The following ASB18 variants were observed in gnomAD, a reference collection of about 807,000 sequenced individuals.
ASB18 encodes the protein ankyrin repeat and SOCS box containing 18, also known as ankyrin repeat and SOCS box protein 18.
Under a neutral mutation model 33.4 loss-of-function variants are expected in ASB18, and 33 were observed. The ratio of observed to expected loss-of-function variants is 0.99; its 90% confidence interval spans 0.75 to 1.32. The LOEUF (loss-of-function observed/expected upper bound fraction) is 1.32, where lower values mean the gene tolerates loss of function less well. ASB18 is among the 40% of genes most tolerant of loss of function. The pLI is 0.00. For missense variants in ASB18, 694 were observed against 655.5 expected, an observed-to-expected ratio of 1.06 and a Z score of -0.64; for synonymous variants, 295 against 307.6, an observed-to-expected ratio of 0.96 and a Z score of 0.43.
chr2:236,198,264 A>C (rs2060383582), intron 4 of ASB18, among the ~76,000 whole-genome samples: 1 of 152,248 alleles, frequency 6.6e-6, no homozygotes, highest in Non-Finnish European at 1.5e-5. Flanking sequence ...GTTTAGACAG[A>C]AAATTAATAT....
rs1325000392 is a variant in ASB18, at chr2:236,211,678, A to C, written c.1101+2684T>G. Among the ~76,000 whole-genome samples the C allele has an allele frequency of 6.6e-6, 1 of 152,138 alleles. No individual in the cohort carries two copies. The highest frequency in any genetic ancestry group is 1.5e-5 in the Non-Finnish European group (1 of 68,020). ...GTCTGTTGCTTTGATGTCGCACATG[A>C]TTAGATGCCGTCCCTGGAGGAGCGA... On this transcript the variant is annotated intron_variant, in intron 4 of 5. Coordinates refer to ENST00000409749, the MANE Select transcript of ASB18 (RefSeq NM_212556.4). The surrounding 1 kb of genome is among the most constrained non-coding windows in gnomAD (Gnocchi z 5.0).
At position 236,215,718 on chromosome 2, in the gene ASB18, C is replaced by G. The variant is rs1042918095; in HGVS notation, c.597-852G>C. Among the ~76,000 whole-genome samples the G allele has an allele frequency of 6.6e-6, 1 of 152,078 alleles. No individual in the cohort carries two copies. Among genetic ancestry groups the G allele is most frequent in the African/African-American group, 2.4e-5 (1 of 41,400 alleles). On this transcript the variant is annotated intron_variant, in intron 3 of 5. Transcript: ENST00000409749. The surrounding 1 kb of genome is among the most constrained non-coding windows in gnomAD (Gnocchi z 7.2). ...GAGAAGTGTGCCCCAGCCTGGAAGC[C>G]GGAAGACAGTCATACAGACCCTCTG...
rs919298699 is a variant in ASB18, at chr2:236,235,983, C to T, written c.596+1706G>A. Among the ~76,000 whole-genome samples, 5 of 152,184 alleles carry T rather than the reference C, an allele frequency of 3.3e-5. No individual in the cohort carries two copies. Among genetic ancestry groups the T allele is most frequent in the East Asian group, 1.9e-4 (1 of 5,202 alleles). ...TGTTGGGATTACCGGCATGAGCCACCGCACCTAGCCTAACAGTTATGTTCT... is the reference window on the plus strand; with the variant it reads ...TGTTGGGATTACCGGCATGAGCCACTGCACCTAGCCTAACAGTTATGTTCT... On this transcript the variant is annotated intron_variant, in intron 3 of 5. Transcript: ENST00000409749. The surrounding 1 kb of genome is among the most constrained non-coding windows in gnomAD (Gnocchi z 6.2).
In ASB18 at chr2:236,222,027, G is replaced by A. The variant is rs1317091923; in HGVS notation, c.597-7161C>T. On this transcript the variant is annotated intron_variant, in intron 3 of 5. Coordinates refer to ENST00000409749, the MANE Select transcript of ASB18 (RefSeq NM_212556.4). This position sits in a 1 kb window ranked among gnomAD's most constrained non-coding sequence, Gnocchi z 5.5. ...GGAGCCTTGGGAGGAAAACAGAGCC[G>A]TGTTTTCTAACGAAGCTGCTGCAGG... Among the ~76,000 whole-genome samples the A allele has an allele frequency of 4.6e-5, 7 of 152,162 alleles. No individual in the cohort carries two copies. Among genetic ancestry groups the A allele is most frequent in the Admixed American group, 1.3e-4 (2 of 15,278 alleles).
In ASB18 at chr2:236,205,347, C is replaced by T. The variant is rs918343441; in HGVS notation, c.1102-8962G>A. The stretch of plus-strand genomic sequence containing the variant: ...GCTGGCCCACTCCAGCCTTAGGCTA[C>T]AGATGGCTGGTCCTCTGCTGGGCTG... On this transcript the variant is annotated intron_variant, in intron 4 of 5. Coordinates refer to ENST00000409749, the MANE Select transcript of ASB18 (RefSeq NM_212556.4). The surrounding 1 kb of genome is among the most constrained non-coding windows in gnomAD (Gnocchi z 5.4). 6.6e-6 allele frequency among the ~76,000 whole-genome samples: 1 copy of T among 152,250 alleles called. No individual in the cohort carries two copies. Among genetic ancestry groups the T allele is most frequent in the African/African-American group, 2.4e-5 (1 of 41,472 alleles).
rs1239149044 is a variant in ASB18 at position 236,203,980 on chromosome 2, A to G, written c.1102-7595T>C. On this transcript the variant is annotated intron_variant, in intron 4 of 5. Coordinates refer to ENST00000409749, the MANE Select transcript of ASB18 (RefSeq NM_212556.4). This position sits in a 1 kb window ranked among gnomAD's most constrained non-coding sequence, Gnocchi z 6.0. ...AGAGGAGACAGAGAGCCCAGTGAAG[A>G]AGATGTGTCCATCTAGGGGAGAGAT... Among the ~76,000 whole-genome samples the G allele has an allele frequency of 6.6e-6, 1 of 152,224 alleles. No homozygotes were observed. Among genetic ancestry groups the G allele is most frequent in the Non-Finnish European group, 1.5e-5 (1 of 68,042 alleles).
intron 2 of ASB18, among the ~76,000 whole-genome samples, chr2:236,240,523 G>C (rs2060616374): frequency 6.6e-6 from 1 of 152,224 alleles, no homozygotes; most frequent in Non-Finnish European, 1.5e-5. Flanking sequence ...GAAACTTCTT[G>C]GTAAATATGT....
Position 236,217,424 on chromosome 2 carries a change from A to AAATAAAAT in ASB18, c.597-2559_597-2558insATTTTATT, listed in dbSNP as rs1553600513. Among the ~76,000 whole-genome samples the AAATAAAAT allele has an allele frequency of 4.7e-5, 7 of 150,306 alleles. No individual in the cohort carries two copies. Among genetic ancestry groups the AAATAAAAT allele is most frequent in the African/African-American group, 1.7e-4 (7 of 40,404 alleles). ...CGAGACTCTGTCTCAAAAAAAAAAAAAAATAAATCTTGGCACCTTCAACTC... is the reference window on the plus strand; with the variant it reads ...CGAGACTCTGTCTCAAAAAAAAAAAAAATAAAATAAATAAATCTTGGCACCTTCAACTC... On this transcript the variant is annotated intron_variant, in intron 3 of 5. Coordinates refer to ENST00000409749, the MANE Select transcript of ASB18 (RefSeq NM_212556.4). This position sits in a 1 kb window ranked among gnomAD's most constrained non-coding sequence, Gnocchi z 5.2.
In ASB18 at chr2:236,251,638, C is replaced by A. The variant is rs1415101453; in HGVS notation, c.206-10236G>T. On this transcript the variant is annotated intron_variant, in intron 1 of 5. Coordinates refer to ENST00000409749, the MANE Select transcript of ASB18 (RefSeq NM_212556.4). This position sits in a 1 kb window ranked among gnomAD's most constrained non-coding sequence, Gnocchi z 5.3. ...CAACACTGCATCCAGCAAAGTGAGG[C>A]CAGTTTTGTCTGATGGAGTTAAATT... is the stretch of plus-strand genomic sequence containing the variant. Among the ~76,000 whole-genome samples, 1 of 152,088 alleles carries A rather than the reference C, an allele frequency of 6.6e-6. No homozygotes were observed. Among genetic ancestry groups the A allele is most frequent in the Non-Finnish European group, 1.5e-5 (1 of 68,024 alleles).
rs719544 is a variant in ASB18, at chr2:236,209,639, A to T, written c.1101+4723T>A. Among the ~76,000 whole-genome samples the T allele has an allele frequency of 6.6e-6, 1 of 152,076 alleles. No individual in the cohort carries two copies. Among genetic ancestry groups the T allele is most frequent in the Non-Finnish European group, 1.5e-5 (1 of 68,020 alleles). On this transcript the variant is annotated intron_variant, in intron 4 of 5. Coordinates refer to ENST00000409749, the MANE Select transcript of ASB18 (RefSeq NM_212556.4). The surrounding 1 kb of genome is among the most constrained non-coding windows in gnomAD (Gnocchi z 4.4). Reference sequence around the variant, plus strand: ...AATCCCTTACCTGGACTGCCACCACAGCCTGTGGTTTCCATCAGCCCCCTA... The same window carrying T: ...AATCCCTTACCTGGACTGCCACCACTGCCTGTGGTTTCCATCAGCCCCCTA...
chr2:236,198,961 G>C (rs1439854041), intron 4 of ASB18, among the ~76,000 whole-genome samples: 1 of 151,986 alleles, frequency 6.6e-6, no homozygotes, highest in Non-Finnish European at 1.5e-5. Flanking sequence ...AACTTTAATA[G>C]GATTGTCTCT....
Position 236,238,932 on chromosome 2 carries a change from A to AT in ASB18, c.329-977dup, listed in dbSNP as rs2060608967. Among the ~76,000 whole-genome samples, 1 of 152,242 alleles carries AT rather than the reference A, an allele frequency of 6.6e-6. No homozygotes were observed. Among genetic ancestry groups the AT allele is most frequent in the African/African-American group, 2.4e-5 (1 of 41,542 alleles). On this transcript the variant is annotated intron_variant, in intron 2 of 5. Coordinates refer to ENST00000409749, the MANE Select transcript of ASB18 (RefSeq NM_212556.4). The surrounding 1 kb of genome is among the most constrained non-coding windows in gnomAD (Gnocchi z 5.2). ...AGCAGCCTTGAAAGTCCATTCATTA[A>AT]TTACCTACCCGCATGTGGTGCCGAG... is the stretch of plus-strand genomic sequence containing the variant.
In ASB18 at chr2:236,195,935, G is replaced by T. The variant is rs946313970; in HGVS notation, c.1215+337C>A. 4 of 357,472 alleles carry T rather than the reference G, an allele frequency of 1.1e-5. No homozygotes were observed. The highest frequency in any genetic ancestry group is 2.2e-5 in the Non-Finnish European group (4 of 185,092). 22.1% of individuals were successfully genotyped at this position (357,472 alleles called of 1,614,324 possible). ...GAGCATGAAGCTGACTCACAGGGCC[G>T]GATTAGTATGTCCTGACGTGGAGCT... On this transcript the variant is annotated intron_variant, in intron 5 of 5. Transcript: ENST00000409749. This position sits in a 1 kb window ranked among gnomAD's most constrained non-coding sequence, Gnocchi z 5.5.
chr2:236,221,976 C>A lies in ASB18; in HGVS notation c.597-7110G>T, dbSNP rs2060514895. 6.6e-6 allele frequency among the ~76,000 whole-genome samples: 1 copy of A among 152,156 alleles called. No homozygotes were observed. The highest frequency in any genetic ancestry group is 6.5e-5 in the Admixed American group (1 of 15,276). Reference sequence around the variant, plus strand: ...TCCCAGGGTGGGTGCTGGGCATGTGCCAGCCTATGGGGGCAAGGTTGCAGG... The same window carrying A: ...TCCCAGGGTGGGTGCTGGGCATGTGACAGCCTATGGGGGCAAGGTTGCAGG... On this transcript the variant is annotated intron_variant, in intron 3 of 5. Coordinates refer to ENST00000409749, the MANE Select transcript of ASB18 (RefSeq NM_212556.4). The surrounding 1 kb of genome is among the most constrained non-coding windows in gnomAD (Gnocchi z 5.6).
In ASB18 at chr2:236,217,935, G is replaced by T. The variant is rs576426772; in HGVS notation, c.597-3069C>A. Among the ~76,000 whole-genome samples, 3 of 152,332 alleles carry T rather than the reference G, an allele frequency of 2.0e-5. No individual in the cohort carries two copies. Among genetic ancestry groups the T allele is most frequent in the African/African-American group, 7.2e-5 (3 of 41,578 alleles). On this transcript the variant is annotated intron_variant, in intron 3 of 5. Transcript: ENST00000409749. The surrounding 1 kb of genome is among the most constrained non-coding windows in gnomAD (Gnocchi z 5.2). ...TGCAGCAGGACGTTAGAAATCAAGG[G>T]TTCCTTCTCGTTTTGCCACTGAGCC... is the stretch of plus-strand genomic sequence containing the variant.
chr2:236,205,093 C>T lies in ASB18; in HGVS notation c.1102-8708G>A, dbSNP rs72620806. Among the ~76,000 whole-genome samples, 26,157 of 152,194 alleles carry T rather than the reference C, an allele frequency of 0.17. 2,265 individuals carry two copies. Among genetic ancestry groups the T allele is most frequent in the South Asian group, 0.25 (1,198 of 4,822 alleles). On this transcript the variant is annotated intron_variant, in intron 4 of 5. Coordinates refer to ENST00000409749, the MANE Select transcript of ASB18 (RefSeq NM_212556.4). This position sits in a 1 kb window ranked among gnomAD's most constrained non-coding sequence, Gnocchi z 5.4. ...GACATCTGTTCTCCTCTTTCTCAAG[C>T]ATCTGCTTAACATGGCAGATGTTAA...
At position 236,241,956 on chromosome 2, in the gene ASB18, T is replaced by G. The variant is rs1428597262; in HGVS notation, c.206-554A>C. ...AAAATGACTTTGGTGACCAGAATAC[T>G]TAGCAAATAAGTAATATCCTCTCAG... On this transcript the variant is annotated intron_variant, in intron 1 of 5. Transcript: ENST00000409749. This position sits in a 1 kb window ranked among gnomAD's most constrained non-coding sequence, Gnocchi z 4.2. Among the ~76,000 whole-genome samples, 1 of 152,212 alleles carries G rather than the reference T, an allele frequency of 6.6e-6. No homozygotes were observed. The highest frequency in any genetic ancestry group is 1.5e-5 in the Non-Finnish European group (1 of 68,044).
rs2060468327 is a variant in ASB18, at chr2:236,213,460, C to T, written c.1101+902G>A. On this transcript the variant is annotated intron_variant, in intron 4 of 5. Coordinates refer to ENST00000409749, the MANE Select transcript of ASB18 (RefSeq NM_212556.4). The surrounding 1 kb of genome is among the most constrained non-coding windows in gnomAD (Gnocchi z 4.8). The stretch of plus-strand genomic sequence containing the variant: ...AATCAGGCCAAAATATGTCTTATGT[C>T]TATGAGTGATGAGTCTTGGTTGATG... Among the ~76,000 whole-genome samples the T allele has an allele frequency of 6.6e-6, 1 of 152,026 alleles. No homozygotes were observed. Among genetic ancestry groups the T allele is most frequent in the South Asian group, 2.1e-4 (1 of 4,804 alleles).
chr2:236,214,256 C>T lies in ASB18; in HGVS notation c.1101+106G>A, dbSNP rs2106268586. On this transcript the variant is annotated intron_variant, in intron 4 of 5. Transcript: ENST00000409749. This position sits in a 1 kb window ranked among gnomAD's most constrained non-coding sequence, Gnocchi z 6.5. ...CATTTTCACAAGTCCCCAGGGGTGCCTGGGCCATTACACTTTGAGAGCGCC... is the reference window on the plus strand; with the variant it reads ...CATTTTCACAAGTCCCCAGGGGTGCTTGGGCCATTACACTTTGAGAGCGCC... 3 of 1,206,782 alleles carry T rather than the reference C, an allele frequency of 2.5e-6. No homozygotes were observed. The highest frequency in any genetic ancestry group is 3.4e-6 in the Non-Finnish European group (3 of 887,560). The allele number at this position is 1,206,782 out of a possible 1,614,324, so 74.8% of individuals were successfully genotyped here. A position where few individuals can be genotyped will look rare whatever the true frequency, so the allele number is the denominator to read the frequency against.
Sources: gnomAD v4.1 joint callset for allele counts (sites outside exome capture counted in the v4.1 genomes callset) on GRCh38, gnomAD v4.1.1 for gene constraint, Gnocchi (gnomAD v3.1) non-coding constraint, MANE v1.5 for transcripts, NCBI Gene and HGNC (gene_info 2026-07-23, HGNC 2026-07-21) for gene names.